The following FN1 variants were observed in gnomAD, a reference collection of about 807,000 sequenced individuals.
FN1 encodes fibronectin 1, also known as fibronectin.
FN1 carries 106 observed loss-of-function variants against 297.3 expected under a neutral mutation model. The observed-to-expected ratio is 0.36, with a 90% confidence interval of 0.30 to 0.42. The LOEUF (loss-of-function observed/expected upper bound fraction) is 0.42, where lower values mean the gene tolerates loss of function less well. FN1 is among the 10% of genes least tolerant of loss of function. The probability of loss-of-function intolerance (pLI) is 1.00; values close to 1 mark genes in which losing one functional copy is unlikely to be tolerated. For synonymous variants in FN1, 1,149 were observed against 1,152.6 expected, an observed-to-expected ratio of 1.00 and a Z score of 0.06; for missense variants, 2,690 against 3,124.9, an observed-to-expected ratio of 0.86 and a Z score of 3.32.
chr2:215,384,120 G>A lies in FN1; in HGVS notation c.4794C>T (p.Gly1598=), dbSNP rs771423016. ...PGSKSTATIS[G]LKPGVDYTIT... is the part of the protein sequence containing the mutation. Reference sequence around the variant, plus strand: ...TGGTATAATCAACTCCAGGTTTAAGGCCGCTGATGGTAGCTGTAGACTTGC... The same window carrying A: ...TGGTATAATCAACTCCAGGTTTAAGACCGCTGATGGTAGCTGTAGACTTGC... The change falls in exon 30 of 46, where the codon GGC becomes GGT. Residue 1598 remains glycine, a synonymous_variant. Transcript: ENST00000354785. The A allele has an allele frequency of 6.2e-7, 1 of 1,614,100 alleles. No homozygotes were observed. The highest frequency in any genetic ancestry group is 8.5e-7 in the Non-Finnish European group (1 of 1,180,016).
At chr2:215,407,490 A>C (rs1290412305) in intron 17 of FN1, among the ~76,000 whole-genome samples, 169 bp from the exon 18 acceptor site, 1 of 152,208 alleles carries the variant, frequency 6.6e-6, no homozygotes, top group Non-Finnish European at 1.5e-5. Context: ...AATAATGACT[A>C]TTCAGCACGA....
At chr2:215,415,278 T>G (rs1392942712) in intron 12 of FN1, among the ~76,000 whole-genome samples, 1 of 152,242 alleles carries the variant, frequency 6.6e-6, no homozygotes, top group Non-Finnish European at 1.5e-5. Context: ...GAGAAAATTG[T>G]GAAACGATCC....
intron 44 of FN1, chr2:215,362,784 T>C (rs1027229180): frequency 6.5e-6 from 1 of 152,812 alleles, no homozygotes; most frequent in African/African-American, 2.4e-5. Flanking sequence ...CTACTGTTCT[T>C]AAGCTGGCAG....
At chr2:215,415,773 A>C (rs573243330) in intron 12 of FN1, among the ~76,000 whole-genome samples, 94 of 152,270 alleles carry the variant, frequency 6.2e-4, no homozygotes, top group African/African-American at 2.1e-3. Flanking sequence ...AAATAAAAGG[A>C]AAATAAGGGA....
intron 34 of FN1, 75 bp downstream of exon 34, chr2:215,379,055 A>G (rs1258795838): frequency 8.1e-7 from 1 of 1,231,636 alleles, no homozygotes; most frequent in Admixed American, 1.7e-5. Context: ...TTATGATATT[A>G]TATTTTCACC....
chr2:215,410,178 G>T, intron 13 of FN1, 64 bp from the exon 14 acceptor site: 1 of 1,482,010 alleles, frequency 6.7e-7, no homozygotes, highest in Non-Finnish European at 9.2e-7. Context: ...AACATTTGAA[G>T]ATGATGTTCA....
chr2:215,409,944 T>C lies in FN1; in HGVS notation c.2112A>G (p.Thr704=), dbSNP rs1326049626. The C allele has an allele frequency of 5.6e-6, 9 of 1,613,610 alleles. No homozygotes were observed. Among genetic ancestry groups the C allele is most frequent in the African/African-American group, 4.0e-5 (3 of 74,836 alleles). The part of the protein sequence containing the change: ...RFDFTTTSTS[T]PVTSNTVTGE... ...TGGTTGTGTACATACTGGTCACAGG[T>C]GTGCTGGTGCTGGTGGTGGTGAAGT... Residue 704 remains threonine (T), a synonymous_variant, in exon 14 of 46, where the codon ACA becomes ACG. Coordinates refer to ENST00000354785, the MANE Select transcript of FN1 (RefSeq NM_212482.4).
chr2:215,428,068 G>C (rs1480889879), intron 6 of FN1, 112 bp downstream of exon 6: 2 of 1,279,522 alleles, frequency 1.6e-6, no homozygotes, highest in Non-Finnish European at 2.3e-6. Context: ...TAGGTTATTA[G>C]CTGAAACACT....
chr2:215,375,039 C>G (rs1236619226), intron 38 of FN1, among the ~76,000 whole-genome samples, 175 bp downstream of exon 38: 1 of 152,142 alleles, frequency 6.6e-6, no homozygotes, highest in Non-Finnish European at 1.5e-5. Flanking sequence ...TTCACTCATG[C>G]CTTTTGGGAT....
At chr2:215,430,623 A>T in intron 5 of FN1, 92 bp downstream of exon 5, 1 of 1,432,946 alleles carries the variant, frequency 7.0e-7, no homozygotes, top group South Asian at 1.2e-5. Flanking sequence ...GATATACTGG[A>T]TGTGTTCTGA....
Position 215,394,593 on chromosome 2 carries a change from T to C in FN1, c.3731A>G (p.Asn1244Ser), listed in dbSNP as rs1447633778. 1 of 1,613,996 alleles carries C rather than the reference T, an allele frequency of 6.2e-7. No individual in the cohort carries two copies. The part of the protein sequence containing the change: ...FDNLSPGLEY[N>S]VSVYTVKDDK... Reference sequence around the variant, plus strand: ...ATCCTTGACAGTGTAAACACTGACATTGTACTCCAGGCCGGGACTCAGGTT... The same window carrying C: ...ATCCTTGACAGTGTAAACACTGACACTGTACTCCAGGCCGGGACTCAGGTT... The change falls in exon 24 of 46, where the codon AAT becomes AGT. Residue 1244 changes from asparagine to serine, a missense_variant. Coordinates refer to ENST00000354785, the MANE Select transcript of FN1 (RefSeq NM_212482.4).
intron 23 of FN1, among the ~76,000 whole-genome samples, chr2:215,395,136 C>T (rs1332825247): frequency 6.6e-6 from 1 of 152,156 alleles, no homozygotes; most frequent in African/African-American, 2.4e-5. Flanking sequence ...TTCCTTTCTA[C>T]CTGCCTAGTA....
In FN1 at chr2:215,401,243, A is replaced by AAGG. The variant is rs1559475433; in HGVS notation, c.3254-1893_3254-1892insCCT. Among the ~76,000 whole-genome samples the AAGG allele has an allele frequency of 2.7e-4, 18 of 66,868 alleles. 2 individuals are homozygous for AAGG. Among genetic ancestry groups the AAGG allele is most frequent in the Non-Finnish European group, 5.5e-4 (17 of 30,678 alleles). The allele number at this position is 66,868 out of a possible 152,430, so 43.9% of individuals were successfully genotyped here. On this transcript the variant is annotated intron_variant, in intron 20 of 45. Transcript: ENST00000354785. The stretch of plus-strand genomic sequence containing the variant: ...GAAAGAAAGAAAGAAAGAAAGAAAG[A>AAGG]AAGAAAGGAAGAAAGAAAGGAAGGA...
rs2060468802 is a variant in FN1, at chr2:215,397,667, A to G, written c.3517+13T>C. 6.2e-7 allele frequency: 1 copy of G among 1,613,292 alleles called. No individual in the cohort carries two copies. Among genetic ancestry groups the G allele is most frequent in the African/African-American group, 1.3e-5 (1 of 74,922 alleles). ...TTTAAAAACTAATAGAAAAGGGAAAAAATTCTTCTTACGTGTCACCACTTT... is the reference window on the plus strand; with the variant it reads ...TTTAAAAACTAATAGAAAAGGGAAAGAATTCTTCTTACGTGTCACCACTTT... On this transcript the variant is annotated intron_variant, in intron 22 of 45. Transcript: ENST00000354785.
chr2:215,406,633 G>A (rs2061811934), intron 18 of FN1, 123 bp from the exon 19 acceptor site: 6 of 1,014,266 alleles, frequency 5.9e-6, no homozygotes, highest in Non-Finnish European at 7.4e-6. Flanking sequence ...GCTAAGTTTT[G>A]TCTCTTAATC....
At chr2:215,373,495 G>GTGA in intron 38 of FN1, 84 bp from the exon 39 acceptor site, 1 of 1,101,448 alleles carries the variant, frequency 9.1e-7, no homozygotes, top group Non-Finnish European at 1.4e-6. Flanking sequence ...GACGCTACTG[G>GTGA]GAGCAGGCAC....
At chr2:215,391,840 CAGTT>C (rs1244092496) in intron 25 of FN1, 26 bp from the exon 26 acceptor site, 2 of 1,606,294 alleles carry the variant, frequency 1.2e-6, no homozygotes, top group East Asian at 2.2e-5. Context: ...AAGGAAGACT[CAGTT>C]AATGTAATTT....
rs749983023 is a variant in FN1, at chr2:215,394,478, A to G, written c.3796+50T>C. ...TCTGGGGATTAAGATGCTAATCCCCACTCTTATTGGAAGTGTCACTCTCAG... is the reference window on the plus strand; with the variant it reads ...TCTGGGGATTAAGATGCTAATCCCCGCTCTTATTGGAAGTGTCACTCTCAG... On this transcript the variant is annotated intron_variant, in intron 24 of 45. Transcript: ENST00000354785. 2.0e-5 allele frequency: 28 copies of G among 1,419,910 alleles called. 1 individual carries two copies. The Admixed American group carries it at 4.5e-4, about 23-fold the overall frequency. The allele number at this position is 1,419,910 out of a possible 1,614,324, so 88.0% of individuals were successfully genotyped here. A position where few individuals can be genotyped will look rare whatever the true frequency, so the allele number is the denominator to read the frequency against.
Position 215,383,961 on chromosome 2 carries a change from T to C in FN1, c.4894+59A>G, listed in dbSNP as rs575983686. On this transcript the variant is annotated intron_variant, in intron 30 of 45. Coordinates refer to ENST00000354785, the MANE Select transcript of FN1 (RefSeq NM_212482.4). ...ATTAGAAAAATACCTTGGGAGAACATTGCAAAACAGTATCTGAATAAGTAA... is the reference window on the plus strand; with the variant it reads ...ATTAGAAAAATACCTTGGGAGAACACTGCAAAACAGTATCTGAATAAGTAA... 9 of 1,574,602 alleles carry C rather than the reference T, an allele frequency of 5.7e-6. No homozygotes were observed. The Admixed American group carries it at 8.5e-5, about 15-fold the overall frequency.
Sources: gnomAD v4.1 joint callset for allele counts (sites outside exome capture counted in the v4.1 genomes callset) on GRCh38, gnomAD v4.1.1 for gene constraint, MANE v1.5 for transcripts, NCBI Gene and HGNC (gene_info 2026-07-23, HGNC 2026-07-21) for gene names.